The following MED13L variants were observed in gnomAD, a reference collection of about 807,000 sequenced individuals.
MED13L encodes the protein mediator of RNA polymerase II transcription subunit 13-like.
MED13L carries 7 observed loss-of-function variants against 220.9 expected under a neutral mutation model. The ratio of observed to expected loss-of-function variants is 0.03; its 90% confidence interval spans 0.02 to 0.06. The LOEUF (loss-of-function observed/expected upper bound fraction) is 0.06. Among genes scored for constraint, MED13L ranks in the 10% least tolerant of loss-of-function variants. The probability of loss-of-function intolerance (pLI) is 1.00; values close to 1 mark genes in which losing one functional copy is unlikely to be tolerated. For missense variants in MED13L, 1,965 were observed against 2,760.5 expected (o/e 0.71, Z 6.46); for synonymous variants, 1,011 against 1,015.2 (o/e 1.00, Z 0.08).
intron 4 of MED13L, among the ~76,000 whole-genome samples, chr12:116,028,158 T>C (rs1880514830): frequency 6.6e-6 from 1 of 152,232 alleles, no homozygotes; most frequent in Non-Finnish European, 1.5e-5. Context: ...TGTTCATTTA[T>C]ATTAACTGTA....
intron 2 of MED13L, among the ~76,000 whole-genome samples, chr12:116,153,367 C>G (rs1878198146): frequency 6.6e-6 from 1 of 152,092 alleles, no homozygotes; most frequent in Admixed American, 6.6e-5. Flanking sequence ...AGCCAGAGTG[C>G]CACCTCCATT....
At chr12:116,056,796 T>C (rs1869013540) in intron 4 of MED13L, among the ~76,000 whole-genome samples, 1 of 152,220 alleles carries the variant, frequency 6.6e-6, no homozygotes, top group East Asian at 1.9e-4. Flanking sequence ...AATTACTATC[T>C]TGTGCTCTAA....
At chr12:116,133,844 A>G (rs1876286967) in intron 2 of MED13L, among the ~76,000 whole-genome samples, 1 of 152,170 alleles carries the variant, frequency 6.6e-6, no homozygotes, top group Non-Finnish European at 1.5e-5. Flanking sequence ...GAGGAAACCT[A>G]GTCCACACGG....
intron 4 of MED13L, among the ~76,000 whole-genome samples, chr12:116,023,259 G>T (rs1880169627): frequency 6.6e-6 from 1 of 152,134 alleles, no homozygotes; most frequent in South Asian, 2.1e-4. Flanking sequence ...TCAAGCCACT[G>T]CACTCCACCA....
At chr12:116,276,308 TTGTGTGTG>T (rs372521434) in intron 1 of MED13L, 8,745 of 224,712 alleles carry the variant, frequency 0.039, 152 homozygotes, top group East Asian at 0.091. Context: ...CTTGTTGCTT[TTGTGTGTG>T]TGTGTGTGTG....
chr12:116,016,444 GAATT>G (rs889355141), intron 7 of MED13L, among the ~76,000 whole-genome samples: 1 of 152,264 alleles, frequency 6.6e-6, no homozygotes, highest in South Asian at 2.1e-4. Context: ...TGATGCAAAA[GAATT>G]AATTTCAATT....
At chr12:116,197,097 G>A (rs1418707577) in intron 2 of MED13L, among the ~76,000 whole-genome samples, 1 of 152,150 alleles carries the variant, frequency 6.6e-6, no homozygotes, top group Admixed American at 6.5e-5. Context: ...GTGATAAACA[G>A]CACACTCACT....
chr12:116,066,120 C>T (rs1486995123), intron 4 of MED13L, among the ~76,000 whole-genome samples: 1 of 152,226 alleles, frequency 6.6e-6, no homozygotes, highest in Non-Finnish European at 1.5e-5. Flanking sequence ...CATACATACA[C>T]ACACACACGT....
Position 116,277,571 on chromosome 12 carries a change from G to T in MED13L, c.-440C>A, listed in dbSNP as rs1450837460. Among the ~76,000 whole-genome samples the T allele has an allele frequency of 6.7e-6, 1 of 149,444 alleles. No homozygotes were observed. The highest frequency in any genetic ancestry group is 2.4e-5 in the African/African-American group (1 of 41,126). On this transcript the variant is annotated 5_prime_UTR_variant, in exon 1 of 31. Transcript: ENST00000281928. The stretch of plus-strand genomic sequence containing the variant: ...TCGCGAAGGGGGGGGTGCGGACGAA[G>T]CCAGCGGGCGACCCCGGCAGCCGAG...
intron 2 of MED13L, among the ~76,000 whole-genome samples, chr12:116,167,908 G>A (rs2045238575): frequency 6.6e-6 from 1 of 152,000 alleles, no homozygotes; most frequent in Non-Finnish European, 1.5e-5. Flanking sequence ...TTTATTTAAT[G>A]ATGTTTATTC....
intron 28 of MED13L, among the ~76,000 whole-genome samples, chr12:115,967,189 A>AAAAAC (rs1876235710): frequency 6.6e-6 from 1 of 151,638 alleles, no homozygotes; most frequent in African/African-American, 2.4e-5. Flanking sequence ...AAAAAAAAAA[A>AAAAAC]AAAAAAACCT....
At chr12:116,173,174 G>GA (rs1879806713) in intron 2 of MED13L, among the ~76,000 whole-genome samples, 1 of 150,070 alleles carries the variant, frequency 6.7e-6, no homozygotes, top group Admixed American at 6.6e-5. Context: ...ATCACTCATG[G>GA]AAAAAAGACA....
chr12:116,007,574 G>A lies in MED13L; in HGVS notation c.2075C>T (p.Pro692Leu), dbSNP rs781324695. Residue 692 changes from proline to leucine, a missense_variant, in exon 11 of 31, where the codon CCA becomes CTA. Transcript: ENST00000281928. The stretch of plus-strand genomic sequence containing the variant: ...AGGCAATGGGTCAAGGAAGTGGAGT[G>A]GCTGCAACTGGGGCTGTTTGTCTTG... ...IWQDKQPQLQ[P>L]LHFLDPLPLS... is the part of the protein sequence containing the mutation. The A allele has an allele frequency of 1.9e-6, 3 of 1,612,680 alleles. No individual in the cohort carries two copies. The highest frequency in any genetic ancestry group is 2.5e-6 in the Non-Finnish European group (3 of 1,179,826).
At chr12:116,096,336 C>G (rs991786038) in intron 4 of MED13L, among the ~76,000 whole-genome samples, 9 of 78,004 alleles carry the variant, frequency 1.2e-4, no homozygotes, top group Admixed American at 4.8e-4. Context: ...GCCTGGGTGA[C>G]AGAGTGAGAC....
intron 4 of MED13L, among the ~76,000 whole-genome samples, chr12:116,045,296 A>T (rs1025352448): frequency 4.6e-5 from 7 of 152,170 alleles, no homozygotes; most frequent in African/African-American, 1.4e-4. Context: ...TCCTGGGCCT[A>T]CATAGTACTG....
chr12:116,262,487 T>C (rs1032548737), intron 1 of MED13L, among the ~76,000 whole-genome samples: 5 of 152,208 alleles, frequency 3.3e-5, no homozygotes, highest in African/African-American at 1.2e-4. Flanking sequence ...CTTAACAGCA[T>C]ATCACACCTA....
intron 4 of MED13L, among the ~76,000 whole-genome samples, chr12:116,091,941 C>A (rs1872252605): frequency 6.6e-6 from 1 of 152,104 alleles, no homozygotes; most frequent in South Asian, 2.1e-4. Flanking sequence ...TGATGATCCC[C>A]AAGACTCTAA....
intron 2 of MED13L, among the ~76,000 whole-genome samples, chr12:116,170,927 T>C (rs927334582): frequency 7.9e-5 from 12 of 152,224 alleles, no homozygotes; most frequent in Non-Finnish European, 1.6e-4. Flanking sequence ...ATCACAGACA[T>C]TCTTAAGGAA....
chr12:115,966,299 T>G, intron 28 of MED13L, 56 bp from the exon 29 acceptor site: 2 of 1,602,420 alleles, frequency 1.2e-6, no homozygotes, highest in Non-Finnish European at 1.7e-6. Flanking sequence ...GCTTGAAAAA[T>G]GAACTTTCAT....
Sources: allele counts gnomAD v4.1 joint callset (sites outside exome capture counted in the v4.1 genomes callset), GRCh38; gene constraint gnomAD v4.1.1; transcripts MANE v1.5; gene names NCBI Gene and HGNC (gene_info 2026-07-23, HGNC 2026-07-21).